The following CLDN10 variants were observed in gnomAD, a reference collection of about 807,000 sequenced individuals.
The protein encoded by CLDN10 is claudin 10, also known as claudin-10.
In CLDN10, 15 loss-of-function variants were observed where a neutral mutation model predicts 22.9. The observed-to-expected ratio is 0.65, with a 90% confidence interval of 0.44 to 1.01. The LOEUF (loss-of-function observed/expected upper bound fraction) is 1.01, where lower values mean the gene tolerates loss of function less well. Ranked by LOEUF, CLDN10 falls within the 50% of genes least tolerant of loss-of-function variation. CLDN10 has a pLI of 0.00. For missense variants in CLDN10, 247 were observed against 287.8 expected (o/e 0.86, Z 1.03); for synonymous variants, 114 against 111.4 (o/e 1.02, Z -0.15).
chr13:95,560,088 A>G (rs374491325), intron 1 of CLDN10, 44 bp from the exon 2 acceptor site: 1 of 1,534,364 alleles, frequency 6.5e-7, no homozygotes, highest in African/African-American at 1.4e-5. Context: ...CTCCCTGGAC[A>G]GCCACATGCT....
intron 1 of CLDN10, among the ~76,000 whole-genome samples, chr13:95,483,411 G>T (rs1045430358): frequency 2.0e-5 from 3 of 151,512 alleles, no homozygotes; most frequent in Non-Finnish European, 4.4e-5. Context: ...GTCTCACTAT[G>T]TTGCCCAGGC....
intron 1 of CLDN10, among the ~76,000 whole-genome samples, chr13:95,484,011 A>G (rs1399529581): frequency 6.6e-6 from 1 of 152,130 alleles, no homozygotes; most frequent in African/African-American, 2.4e-5. Flanking sequence ...GTAAGAAGAC[A>G]TTCTCTATCA....
chr13:95,546,308 T>C (rs576949415), intron 1 of CLDN10, among the ~76,000 whole-genome samples: 2 of 152,152 alleles, frequency 1.3e-5, no homozygotes, highest in Non-Finnish European at 2.9e-5. Flanking sequence ...GCTGGCACAT[T>C]GAAACCTCAC....
intron 1 of CLDN10, among the ~76,000 whole-genome samples, chr13:95,481,738 G>A (rs934651908): frequency 3.3e-5 from 5 of 152,092 alleles, no homozygotes; most frequent in African/African-American, 7.2e-5. Context: ...GTAAAAACTC[G>A]ATCAGGCACA....
chr13:95,460,958 A>C (rs2042531065), intron 1 of CLDN10, among the ~76,000 whole-genome samples: 1 of 152,050 alleles, frequency 6.6e-6, no homozygotes, highest in African/African-American at 2.4e-5. Flanking sequence ...AAAATACAAA[A>C]AAGTTAGCTG....
intron 1 of CLDN10, among the ~76,000 whole-genome samples, chr13:95,457,141 T>C (rs1412714800): frequency 6.6e-6 from 1 of 152,194 alleles, no homozygotes; most frequent in East Asian, 1.9e-4. Flanking sequence ...TCTGTTGTTG[T>C]GTATGCATTT....
At chr13:95,546,659 T>C (rs1183096890) in intron 1 of CLDN10, among the ~76,000 whole-genome samples, 1 of 152,206 alleles carries the variant, frequency 6.6e-6, no homozygotes, top group Non-Finnish European at 1.5e-5. Flanking sequence ...TAGTTTGGAA[T>C]AAACTTTGCA....
chr13:95,545,299 T>G (rs1006868883), intron 1 of CLDN10, among the ~76,000 whole-genome samples: 1 of 151,892 alleles, frequency 6.6e-6, no homozygotes, highest in East Asian at 2.0e-4. Flanking sequence ...ATCCCAGCAC[T>G]TTGGGAGGCC....
chr13:95,514,360 C>G (rs2138568840), intron 1 of CLDN10, among the ~76,000 whole-genome samples: 1 of 152,254 alleles, frequency 6.6e-6, no homozygotes, highest in African/African-American at 2.4e-5. Context: ...CAGAAATAAG[C>G]AAACGTTAAC....
At chr13:95,542,214 C>G (rs2138625531) in intron 1 of CLDN10, among the ~76,000 whole-genome samples, 2 of 152,290 alleles carry the variant, frequency 1.3e-5, no homozygotes, top group East Asian at 3.9e-4. Context: ...GAAATCTACC[C>G]CCATGATCCA....
intron 1 of CLDN10, among the ~76,000 whole-genome samples, chr13:95,480,343 G>C (rs2042732018): frequency 1.3e-5 from 2 of 152,212 alleles, no homozygotes; most frequent in Admixed American, 6.5e-5. Context: ...TCCTTCGGTA[G>C]AGCAGTCTCT....
chr13:95,484,173 T>C (rs2042778686), intron 1 of CLDN10, among the ~76,000 whole-genome samples: 14 of 152,220 alleles, frequency 9.2e-5, no homozygotes, highest in Admixed American at 9.2e-4. Flanking sequence ...AGATAGGGCA[T>C]GTCCTTGGGT....
intron 1 of CLDN10, among the ~76,000 whole-genome samples, chr13:95,527,501 G>A (rs922937089): frequency 2.2e-4 from 33 of 152,186 alleles, no homozygotes; most frequent in East Asian, 1.4e-3. Context: ...AGACTGAGGC[G>A]GGTGGATCAC....
intron 1 of CLDN10, among the ~76,000 whole-genome samples, chr13:95,495,153 A>G (rs2042915053): frequency 6.6e-6 from 1 of 151,632 alleles, no homozygotes; most frequent in South Asian, 2.1e-4. Flanking sequence ...CTTCTGCCTC[A>G]ACCTCCTGAG....
chr13:95,577,999 A>AT lies in CLDN10; in HGVS notation c.672_673insT (p.Asn225Ter). 6.2e-7 allele frequency: 1 copy of AT among 1,608,026 alleles called. No homozygotes were observed. On this transcript the variant is annotated frameshift_variant, in exon 5 of 5. Coordinates refer to ENST00000299339, the MANE Select transcript of CLDN10 (RefSeq NM_006984.5). LOFTEE classifies it high-confidence loss of function. ...CAAACCCTTCAAAACAGTTTGATAA[A>AT]AATGCTTATGTCTAAAAGAGCTCGC...
At chr13:95,536,183 GA>G (rs34043263) in intron 1 of CLDN10, among the ~76,000 whole-genome samples, 2,218 of 148,718 alleles carry the variant, frequency 0.015, 56 homozygotes, top group African/African-American at 0.051. Context: ...TCCTAAATTT[GA>G]AAAAAAAAAA....
chr13:95,471,965 G>T (rs113074197), intron 1 of CLDN10, among the ~76,000 whole-genome samples: 2,618 of 36,784 alleles, frequency 0.071, 129 homozygotes, highest in African/African-American at 0.14. Context: ...TTTTTTTTTT[G>T]GTAGAGATAG....
At chr13:95,456,816 A>G (rs1311822451) in intron 1 of CLDN10, among the ~76,000 whole-genome samples, 1 of 152,248 alleles carries the variant, frequency 6.6e-6, no homozygotes, top group Non-Finnish European at 1.5e-5. Context: ...GGCATCTCCT[A>G]TGCATAAGGC....
At chr13:95,452,478 G>A (rs1446135260) in intron 1 of CLDN10, among the ~76,000 whole-genome samples, 2 of 152,204 alleles carry the variant, frequency 1.3e-5, no homozygotes, top group African/African-American at 4.8e-5. Flanking sequence ...TTTGAGATAT[G>A]GATGTGGTTG....
Sources: gnomAD v4.1 joint callset for allele counts (sites outside exome capture counted in the v4.1 genomes callset) on GRCh38, gnomAD v4.1.1 for gene constraint, MANE v1.5 for transcripts, NCBI Gene and HGNC (gene_info 2026-07-23, HGNC 2026-07-21) for gene names.